The following PLEKHA7 variants were observed in gnomAD, a reference collection of about 807,000 sequenced individuals.
The protein encoded by PLEKHA7 is pleckstrin homology domain-containing family A member 7.
PLEKHA7 carries 104 observed loss-of-function variants against 170.0 expected under a neutral mutation model. That is an observed-to-expected ratio of 0.61 (90% CI 0.52 to 0.72). PLEKHA7 has a LOEUF of 0.72. Among genes scored for constraint, PLEKHA7 ranks in the 30% least tolerant of loss-of-function variants. The pLI, the probability that PLEKHA7 is intolerant of heterozygous loss-of-function variation, is 0.00. For missense variants in PLEKHA7, 1,615 were observed against 1,671.7 expected, an observed-to-expected ratio of 0.97 and a Z score of 0.59; for synonymous variants, 648 against 660.8, an observed-to-expected ratio of 0.98 and a Z score of 0.30.
chr11:16,813,329 C>T (rs1249598463), intron 12 of PLEKHA7, 163 bp from the exon 13 acceptor site: 7 of 524,752 alleles, frequency 1.3e-5, no homozygotes, highest in African/African-American at 1.3e-4. Flanking sequence ...TGTCTCGGTG[C>T]AGCTGAGAGC....
chr11:16,969,412 T>C (rs142594349), intron 3 of PLEKHA7, among the ~76,000 whole-genome samples: 2 of 152,232 alleles, frequency 1.3e-5, no homozygotes, highest in African/African-American at 4.8e-5. Context: ...TACATCTTAA[T>C]AGGGAACCTA....
chr11:16,901,079 T>G (rs1489821025), intron 3 of PLEKHA7, among the ~76,000 whole-genome samples: 3 of 152,104 alleles, frequency 2.0e-5, no homozygotes, highest in Admixed American at 2.0e-4. Context: ...ACTCCTGACC[T>G]CAGGTGATCC....
chr11:16,911,207 T>C (rs1590589680), intron 3 of PLEKHA7, among the ~76,000 whole-genome samples: 1 of 152,174 alleles, frequency 6.6e-6, no homozygotes, highest in Non-Finnish European at 1.5e-5. Context: ...GTTTGGGGAA[T>C]GGCATCATCA....
At chr11:16,924,573 T>C (rs1859350426) in intron 3 of PLEKHA7, among the ~76,000 whole-genome samples, 1 of 151,782 alleles carries the variant, frequency 6.6e-6, no homozygotes, top group Non-Finnish European at 1.5e-5. Flanking sequence ...TAAAGTAGAT[T>C]AAAAACTGAG....
At chr11:17,014,259 G>GCC in intron 1 of PLEKHA7, 57 bp downstream of exon 1, 1 of 1,388,556 alleles carries the variant, frequency 7.2e-7, no homozygotes, top group Non-Finnish European at 9.3e-7. Context: ...TGCCCGCCCG[G>GCC]CCCCCGCCCC....
At chr11:16,930,977 TTGG>T (rs1859882287) in intron 3 of PLEKHA7, among the ~76,000 whole-genome samples, 1 of 152,104 alleles carries the variant, frequency 6.6e-6, no homozygotes, top group Non-Finnish European at 1.5e-5. Context: ...GGAAGACAAC[TTGG>T]GCCTAGCACC....
intron 3 of PLEKHA7, among the ~76,000 whole-genome samples, chr11:16,958,681 A>G (rs971740529): frequency 2.0e-5 from 3 of 152,236 alleles, no homozygotes; most frequent in African/African-American, 4.8e-5. Flanking sequence ...GTATACATGG[A>G]GAATGTAAGA....
chr11:16,948,861 G>C (rs1165089040), intron 3 of PLEKHA7, among the ~76,000 whole-genome samples: 1 of 152,138 alleles, frequency 6.6e-6, no homozygotes, highest in African/African-American at 2.4e-5. Context: ...CGCTTCCAGG[G>C]CATCCTCAAC....
At chr11:16,888,281 C>T (rs999475396) in intron 3 of PLEKHA7, among the ~76,000 whole-genome samples, 9 of 150,520 alleles carry the variant, frequency 6.0e-5, no homozygotes, top group South Asian at 2.1e-4. Context: ...AGTCCCTGCC[C>T]GGCTGCCCCT....
chr11:16,786,416 G>C (rs1469830526), intron 23 of PLEKHA7, 29 bp from the exon 24 acceptor site: 1 of 1,534,846 alleles, frequency 6.5e-7, no homozygotes, highest in Non-Finnish European at 8.7e-7. Flanking sequence ...GTTAAACGTA[G>C]TCGCTTCCTG....
chr11:16,934,885 T>TA (rs1047760922), intron 3 of PLEKHA7, among the ~76,000 whole-genome samples: 9 of 152,088 alleles, frequency 5.9e-5, no homozygotes, highest in African/African-American at 1.7e-4. Context: ...TCTCTTACAG[T>TA]AAAAAAAAGA....
rs1369048007 is a variant in PLEKHA7 at position 16,790,902 on chromosome 11, G to C, written c.2948C>G (p.Ser983Trp). 6.2e-7 allele frequency: 1 copy of C among 1,613,230 alleles called. No individual in the cohort carries two copies. Among genetic ancestry groups the C allele is most frequent in the Admixed American group, 1.7e-5 (1 of 59,928 alleles). ...CGCCAGCTCAGGCTCACTGACATAC[G>C]ACCGCAGCTCCACCTGTGGGCAGAG... is the stretch of plus-strand genomic sequence containing the variant. The part of the protein sequence containing the change: ...VNGDSRVELR[S>W]YVSEPELATL... The change falls in exon 21 of 27, where the codon TCG (serine) becomes TGG (tryptophan). Residue 983 changes from serine (S) to tryptophan (W), a missense_variant. Coordinates refer to ENST00000531066, the MANE Select transcript of PLEKHA7 (RefSeq NM_001329630.2).
intron 19 of PLEKHA7, among the ~76,000 whole-genome samples, chr11:16,793,317 G>C (rs1847986516): frequency 6.6e-6 from 1 of 152,206 alleles, no homozygotes; most frequent in Non-Finnish European, 1.5e-5. Flanking sequence ...TCCCTCTCCT[G>C]TTTTAGGGCT....
intron 3 of PLEKHA7, among the ~76,000 whole-genome samples, chr11:16,957,941 G>A (rs1018229968): frequency 2.0e-5 from 3 of 151,864 alleles, no homozygotes; most frequent in African/African-American, 4.8e-5. Context: ...CTGACCTCGT[G>A]ATCGGCCCAC....
intron 3 of PLEKHA7, among the ~76,000 whole-genome samples, chr11:16,975,693 T>C (rs1309625968): frequency 6.6e-6 from 1 of 152,146 alleles, no homozygotes; most frequent in East Asian, 1.9e-4. Context: ...TATAAATACA[T>C]AGATACACAG....
intron 3 of PLEKHA7, among the ~76,000 whole-genome samples, chr11:16,987,754 C>T (rs1863821677): frequency 6.6e-6 from 1 of 152,228 alleles, no homozygotes; most frequent in Non-Finnish European, 1.5e-5. Context: ...ACGAAGGCTT[C>T]CTGGATCCCT....
intron 17 of PLEKHA7, among the ~76,000 whole-genome samples, chr11:16,799,760 T>A (rs1403024785): frequency 6.6e-6 from 1 of 152,188 alleles, no homozygotes; most frequent in Non-Finnish European, 1.5e-5. Flanking sequence ...CCAGTGTGGA[T>A]GAAGAGAAAT....
rs1367274760 is a variant in PLEKHA7, at chr11:16,815,400, AC to A, written c.1953+777del. ...AGTGCCAGGACAGCACTGATGTGACACCGTTAAGCAATTACTGTGTCAATTC... is the reference window on the plus strand; with the variant it reads ...AGTGCCAGGACAGCACTGATGTGACACGTTAAGCAATTACTGTGTCAATTC... On this transcript the variant is annotated intron_variant, in intron 12 of 26. Transcript: ENST00000531066. 2.4e-4 allele frequency: 36 copies of A among 152,504 alleles called. 1 individual carries two copies. The highest frequency in any genetic ancestry group is 2.4e-3 in the Admixed American group (36 of 15,284). 9.4% of individuals were successfully genotyped at this position (152,504 alleles called of 1,614,324 possible).
chr11:16,939,605 G>A (rs1408580541), intron 3 of PLEKHA7, among the ~76,000 whole-genome samples: 1 of 152,216 alleles, frequency 6.6e-6, no homozygotes, highest in Non-Finnish European at 1.5e-5. Context: ...AATGCTTAAA[G>A]TTAAAGAAAT....
Sources: gnomAD v4.1 joint callset for allele counts (sites outside exome capture counted in the v4.1 genomes callset) on GRCh38, gnomAD v4.1.1 for gene constraint, MANE v1.5 for transcripts, NCBI Gene and HGNC (gene_info 2026-07-23, HGNC 2026-07-21) for gene names.